AP1S3: variants seen among roughly 807,000 people sequenced by gnomAD.
The protein encoded by AP1S3 is AP-1 complex subunit sigma-3.
Under a neutral mutation model 20.9 loss-of-function variants are expected in AP1S3, and 10 were observed. The ratio of observed to expected loss-of-function variants is 0.48; its 90% CI spans 0.29 to 0.81. The LOEUF is 0.81. Ranked by LOEUF, AP1S3 falls within the 30% of genes least tolerant of loss-of-function variation. AP1S3 has a pLI of 0.08. For synonymous variants in AP1S3, 41 were observed against 61.5 expected, an observed-to-expected ratio of 0.67 and a Z score of 1.56; for missense variants, 154 against 183.8, an observed-to-expected ratio of 0.84 and a Z score of 0.94.
At chr2:223,788,778 A>AG (rs1691136184) in intron 1 of AP1S3, among the ~76,000 whole-genome samples, 10 of 150,266 alleles carry the variant, frequency 6.7e-5, no homozygotes, top group Admixed American at 1.3e-4. Flanking sequence ...AAAAAAAAAA[A>AG]AAAGAAGAAG....
intron 1 of AP1S3, among the ~76,000 whole-genome samples, chr2:223,789,157 A>G (rs1304747335): frequency 6.6e-6 from 1 of 152,072 alleles, no homozygotes; most frequent in Non-Finnish European, 1.5e-5. Flanking sequence ...CACTGGATAC[A>G]GTAACAAATC....
intron 1 of AP1S3, among the ~76,000 whole-genome samples, chr2:223,792,848 T>C (rs1018773673): frequency 6.6e-6 from 1 of 152,114 alleles, no homozygotes; most frequent in African/African-American, 2.4e-5. Flanking sequence ...ATCCAGCATC[T>C]ACAAGGAACT....
Position 223,758,661 on chromosome 2 carries a change from G to A in AP1S3, c.*54C>T, listed in dbSNP as rs1690280749. 6.6e-7 allele frequency: 1 copy of A among 1,517,122 alleles called. No individual in the cohort carries two copies. The allele number at this position is 1,517,122 out of a possible 1,614,324, so 94.0% of individuals were successfully genotyped here. A position where few individuals can be genotyped will look rare whatever the true frequency, so the allele number is the denominator to read the frequency against. Reference sequence around the variant, plus strand: ...ATCAAAAAACCGGATGGGAGGCGTTGCTTATTTACAGCTTCATAACATGTA... The same window carrying A: ...ATCAAAAAACCGGATGGGAGGCGTTACTTATTTACAGCTTCATAACATGTA... On this transcript the variant is annotated 3_prime_UTR_variant, in exon 5 of 5. Transcript: ENST00000396654.
chr2:223,793,885 C>A (rs972833577), intron 1 of AP1S3, among the ~76,000 whole-genome samples: 4 of 151,906 alleles, frequency 2.6e-5, no homozygotes, highest in African/African-American at 9.7e-5. Flanking sequence ...CTCAGGTGAT[C>A]CTCCTGCCTT....
chr2:223,824,269 C>T (rs1559146456), intron 1 of AP1S3, among the ~76,000 whole-genome samples: 1 of 151,926 alleles, frequency 6.6e-6, no homozygotes, highest in South Asian at 2.1e-4. Context: ...TCCCAAAGTG[C>T]GGGGATTATA....
rs1690672965 is a variant in AP1S3 at position 223,773,144 on chromosome 2, G to C, written c.291+2757C>G. ...TGGTGAAGGTCACTCAAGTTCTCTT[G>C]AGAAGCATAATGCCCTGAGATATCT... is the stretch of plus-strand genomic sequence containing the variant. On this transcript the variant is annotated intron_variant, in intron 3 of 4. Coordinates refer to ENST00000396654, the MANE Select transcript of AP1S3 (RefSeq NM_001039569.2). Among the ~76,000 whole-genome samples the C allele has an allele frequency of 2.0e-5, 3 of 152,186 alleles. No homozygotes were observed. The South Asian group carries it at 6.2e-4, about 31-fold the overall frequency.
At chr2:223,807,867 CTTTTTTTTTTTTTTTTT>C (rs138805104) in intron 1 of AP1S3, among the ~76,000 whole-genome samples, 2 of 43,220 alleles carry the variant, frequency 4.6e-5, no homozygotes, top group South Asian at 2.5e-3. Flanking sequence ...CATTTCTTTT[CTTTTTTTTTTTTTTTTT>C]TTTTTTTTGG....
At chr2:223,795,549 T>A (rs1691315886) in intron 1 of AP1S3, among the ~76,000 whole-genome samples, 1 of 151,958 alleles carries the variant, frequency 6.6e-6, no homozygotes, top group Admixed American at 6.6e-5. Flanking sequence ...GTTCCGGATT[T>A]CATCCAGGGC....
chr2:223,762,426 C>A (rs1256005365), intron 4 of AP1S3, among the ~76,000 whole-genome samples: 5 of 152,034 alleles, frequency 3.3e-5, no homozygotes, highest in Admixed American at 2.0e-4. Context: ...ATGTGTACCA[C>A]CACACCTGGC....
chr2:223,802,307 A>AT (rs1019742137), intron 1 of AP1S3, among the ~76,000 whole-genome samples: 1,485 of 69,792 alleles, frequency 0.021, 28 homozygotes, highest in African/African-American at 0.076. Flanking sequence ...GTTTTATTTT[A>AT]TTTTTTTTTT....
intron 1 of AP1S3, among the ~76,000 whole-genome samples, chr2:223,808,016 AG>A (rs1286999637): frequency 4.0e-5 from 6 of 151,478 alleles, no homozygotes; most frequent in Non-Finnish European, 8.8e-5. Flanking sequence ...CAGCCTCCTC[AG>A]TAGCTGGGAC....
intron 1 of AP1S3, among the ~76,000 whole-genome samples, chr2:223,822,001 A>T (rs1533607): frequency 0.32 from 48,930 of 152,004 alleles, 8,305 homozygotes; most frequent in Middle Eastern, 0.43. Flanking sequence ...ACAGCTGAGT[A>T]TAGAAACGAA....
At chr2:223,828,950 C>A (rs998810908) in intron 1 of AP1S3, among the ~76,000 whole-genome samples, 1 of 152,232 alleles carries the variant, frequency 6.6e-6, no homozygotes, top group Non-Finnish European at 1.5e-5. Context: ...TCAAGCGATT[C>A]TCAGCCTCCC....
At position 223,777,679 on chromosome 2, in the gene AP1S3, A is replaced by T; in HGVS notation, c.182+12T>A. On this transcript the variant is annotated intron_variant, in intron 2 of 4. Transcript: ENST00000396654. ...AGACTGAGAAATTGAGCTCTCAAAA[A>T]GTTACTCACACCTTTTATAAACAAG... 6.2e-7 allele frequency: 1 copy of T among 1,609,304 alleles called. No individual in the cohort carries two copies. Among genetic ancestry groups the T allele is most frequent in the Middle Eastern group, 1.7e-4 (1 of 6,032 alleles).
chr2:223,756,557 GT>G lies in AP1S3; in HGVS notation c.*2157del. On this transcript the variant is annotated 3_prime_UTR_variant, in exon 5 of 5. Transcript: ENST00000396654. ...CTGAAGGTTAGCTAAAGTAAACACA[GT>G]GGTCAATCATACATGATAAACTTCA... 1.0e-6 allele frequency: 1 copy of G among 985,394 alleles called. No homozygotes were observed. Among genetic ancestry groups the G allele is most frequent in the South Asian group, 4.7e-5 (1 of 21,290 alleles). The allele number at this position is 985,394 out of a possible 1,614,324, so 61.0% of individuals were successfully genotyped here. A position where few individuals can be genotyped will look rare whatever the true frequency, so the allele number is the denominator to read the frequency against.
chr2:223,792,807 C>A (rs924509692), intron 1 of AP1S3, among the ~76,000 whole-genome samples: 1 of 152,088 alleles, frequency 6.6e-6, no homozygotes, highest in Non-Finnish European at 1.5e-5. Context: ...GAGAAAATTT[C>A]TGCAATCTAG....
intron 4 of AP1S3, among the ~76,000 whole-genome samples, chr2:223,762,572 C>G (rs761957025): frequency 2.0e-5 from 3 of 152,168 alleles, no homozygotes; most frequent in Non-Finnish European, 4.4e-5. Flanking sequence ...CACGCCCAGA[C>G]AGAGGGTTTA....
intron 1 of AP1S3, among the ~76,000 whole-genome samples, chr2:223,793,212 C>T (rs1289623250): frequency 6.6e-6 from 1 of 152,182 alleles, no homozygotes; most frequent in Non-Finnish European, 1.5e-5. Flanking sequence ...CTGAGCAACT[C>T]CATTACTGGG....
intron 1 of AP1S3, among the ~76,000 whole-genome samples, chr2:223,828,295 C>CTTTTTT (rs775000674): frequency 1.5e-5 from 2 of 131,386 alleles, no homozygotes; most frequent in African/African-American, 5.6e-5. Context: ...TCCTCTCTCT[C>CTTTTTT]TTTTTTTTTT....
Sources: allele counts gnomAD v4.1 joint callset (sites outside exome capture counted in the v4.1 genomes callset), GRCh38; gene constraint gnomAD v4.1.1; transcripts MANE v1.5; gene names NCBI Gene and HGNC (gene_info 2026-07-23, HGNC 2026-07-21).